NRG3: variants seen among roughly 807,000 people sequenced by gnomAD.
NRG3 encodes the protein neuregulin 3.
Under a neutral mutation model 66.9 loss-of-function variants are expected in NRG3, and 31 were observed. The observed-to-expected ratio is 0.46, with a 90% CI of 0.35 to 0.63. The LOEUF is 0.63. Among genes scored for constraint, NRG3 ranks in the 20% least tolerant of loss-of-function variants. NRG3 has a pLI of 0.00. For missense variants in NRG3, 910 were observed against 878.9 expected (o/e 1.04, Z -0.45); for synonymous variants, 393 against 359.4 (o/e 1.09, Z -1.06).
At chr10:82,524,090 C>A (rs912036919) in intron 2 of NRG3, among the ~76,000 whole-genome samples, 2 of 152,038 alleles carry the variant, frequency 1.3e-5, no homozygotes, top group Admixed American at 6.5e-5. Flanking sequence ...ACATATCTAA[C>A]AAACACACTC....
rs140815726 is a variant in NRG3 at position 82,766,957 on chromosome 10, C to T, written c.1027+28307C>T. 9.4e-5 allele frequency among the ~76,000 whole-genome samples: 14 copies of T among 148,808 alleles called. No individual in the cohort carries two copies. The East Asian group carries it at 1.6e-3, about 17-fold the overall frequency. ...GTATATTTTGAAATCTAGTACTCTA[C>T]GAAGACTAATCACCTTAATATGTGG... On this transcript the variant is annotated intron_variant, in intron 3 of 8. Transcript: ENST00000372141.
intron 2 of NRG3, among the ~76,000 whole-genome samples, chr10:82,396,302 C>T (rs985777002): frequency 6.6e-6 from 1 of 152,138 alleles, no homozygotes; most frequent in African/African-American, 2.4e-5. Flanking sequence ...TACTAAGTTC[C>T]TCTAGCTGCA....
chr10:82,011,156 C>T (rs193200830), intron 1 of NRG3, among the ~76,000 whole-genome samples: 1 of 152,204 alleles, frequency 6.6e-6, no homozygotes, highest in Non-Finnish European at 1.5e-5. Context: ...TTAATGGACT[C>T]ACAGTTCCAC....
intron 1 of NRG3, among the ~76,000 whole-genome samples, chr10:82,116,256 C>T (rs1564577237): frequency 6.6e-6 from 1 of 151,888 alleles, no homozygotes. Context: ...TATTTATTTA[C>T]CACAAGAAAA....
rs373400736 is a variant in NRG3 at position 81,910,379 on chromosome 10, C to T, written c.823+34216C>T. 2.0e-5 allele frequency among the ~76,000 whole-genome samples: 3 copies of T among 152,270 alleles called. No individual in the cohort carries two copies. In the East Asian group the frequency reaches 5.8e-4, roughly 29 times the overall value. On this transcript the variant is annotated intron_variant, in intron 1 of 8. Coordinates refer to ENST00000372141, the MANE Select transcript of NRG3 (RefSeq NM_001010848.4). ...GAACATCAAACTGAGCCCTTGAAGA[C>T]TAGAGTTCTGGGTACTCAATAATGT... is the stretch of plus-strand genomic sequence containing the variant.
chr10:82,306,479 G>A (rs908744573), intron 1 of NRG3, among the ~76,000 whole-genome samples: 17 of 151,802 alleles, frequency 1.1e-4, no homozygotes, highest in African/African-American at 3.4e-4. Flanking sequence ...CGAGGCGGGC[G>A]GATCACGAGG....
At chr10:82,350,232 G>T (rs10466182) in intron 1 of NRG3, among the ~76,000 whole-genome samples, 1 of 152,092 alleles carries the variant, frequency 6.6e-6, no homozygotes, top group Non-Finnish European at 1.5e-5. Context: ...GAGCAAAAAG[G>T]TGCTGTTACC....
intron 3 of NRG3, among the ~76,000 whole-genome samples, chr10:82,822,359 G>T (rs1201815474): frequency 2.0e-5 from 3 of 152,050 alleles, no homozygotes; most frequent in Admixed American, 1.3e-4. Flanking sequence ...CTCAGGAGAA[G>T]GGAAAGCCTC....
At chr10:82,126,945 G>C (rs1449676462) in intron 1 of NRG3, among the ~76,000 whole-genome samples, 1 of 152,088 alleles carries the variant, frequency 6.6e-6, no homozygotes, top group Non-Finnish European at 1.5e-5. Context: ...CTTGCTCACA[G>C]TCTTCCTCTG....
At chr10:82,123,334 A>AT (rs1482205825) in intron 1 of NRG3, among the ~76,000 whole-genome samples, 2 of 152,038 alleles carry the variant, frequency 1.3e-5, no homozygotes, top group Non-Finnish European at 2.9e-5. Context: ...CTTGATACTC[A>AT]TTTTTTCGTT....
intron 2 of NRG3, among the ~76,000 whole-genome samples, chr10:82,668,676 C>T (rs17100462): frequency 0.039 from 5,982 of 152,176 alleles, 414 homozygotes; most frequent in African/African-American, 0.14. Flanking sequence ...GACTGAGAAG[C>T]GTTCTGAGCC....
intron 1 of NRG3, among the ~76,000 whole-genome samples, chr10:82,301,120 T>C (rs2080378707): frequency 6.6e-6 from 1 of 152,236 alleles, no homozygotes; most frequent in East Asian, 1.9e-4. Flanking sequence ...TGTGCTGTGT[T>C]TTAACAGTGG....
intron 1 of NRG3, among the ~76,000 whole-genome samples, chr10:81,978,450 A>G (rs1033012753): frequency 3.3e-5 from 5 of 152,178 alleles, no homozygotes; most frequent in African/African-American, 1.2e-4. Context: ...TTGCTTCAAG[A>G]TAGCCAAGAG....
chr10:82,823,395 A>G (rs980038743), intron 3 of NRG3, among the ~76,000 whole-genome samples: 2 of 152,232 alleles, frequency 1.3e-5, no homozygotes, highest in Non-Finnish European at 2.9e-5. Flanking sequence ...TGAAGTGGGA[A>G]CAAATCCAAA....
chr10:82,097,369 TACACACACACAC>T (rs60288660), intron 1 of NRG3, among the ~76,000 whole-genome samples: 3 of 141,030 alleles, frequency 2.1e-5, no homozygotes, highest in African/African-American at 5.2e-5. Context: ...TCCAGATGGT[TACACACACACAC>T]ACACACACAC....
chr10:82,326,098 G>A (rs1382496964), intron 1 of NRG3, among the ~76,000 whole-genome samples: 1 of 152,144 alleles, frequency 6.6e-6, no homozygotes, highest in East Asian at 1.9e-4. Context: ...TTTCTCAGCT[G>A]TTGTAGCCCT....
At chr10:82,182,261 A>G (rs941187082) in intron 1 of NRG3, among the ~76,000 whole-genome samples, 2 of 151,560 alleles carry the variant, frequency 1.3e-5, no homozygotes, top group Admixed American at 6.6e-5. Flanking sequence ...CTTGAAAAGG[A>G]AGGACTTCTT....
In NRG3 at chr10:82,551,606, G is replaced by GTTGT. The variant is rs1554960638; in HGVS notation, c.954-186969_954-186968insGTTT. Among the ~76,000 whole-genome samples, 213 of 146,844 alleles carry GTTGT rather than the reference G, an allele frequency of 1.5e-3. 1 individual carries two copies. The highest frequency in any genetic ancestry group is 4.9e-3 in the African/African-American group (198 of 40,040). On this transcript the variant is annotated intron_variant, in intron 2 of 8. Coordinates refer to ENST00000372141, the MANE Select transcript of NRG3 (RefSeq NM_001010848.4). ...GTTTTTATTTTTATTTTAAAATACT[G>GTTGT]TTTTTTTTTTTAAATCAGATACATG... is the stretch of plus-strand genomic sequence containing the variant.
chr10:82,618,788 A>T (rs976057535), intron 2 of NRG3, among the ~76,000 whole-genome samples: 4 of 152,130 alleles, frequency 2.6e-5, no homozygotes, highest in Non-Finnish European at 5.9e-5. Context: ...ATAATTATAT[A>T]ATGATAGTAT....
Sources: gnomAD v4.1 joint callset for allele counts (sites outside exome capture counted in the v4.1 genomes callset) on GRCh38, gnomAD v4.1.1 for gene constraint, MANE v1.5 for transcripts, NCBI Gene and HGNC (gene_info 2026-07-23, HGNC 2026-07-21) for gene names.